Variants in BFAR observed in about 807,000 individuals in gnomAD.
The protein encoded by BFAR is RING finger protein 47.
BFAR carries 52 observed loss-of-function variants against 54.4 expected under a neutral mutation model. That is an observed-to-expected ratio of 0.96 (90% CI 0.77 to 1.21). BFAR has a LOEUF of 1.21. Ranked by LOEUF, BFAR falls within the 50% of genes most tolerant of loss-of-function variation. The pLI is 0.00. For missense variants in BFAR, 571 were observed against 534.0 expected (o/e 1.07, Z -0.68); for synonymous variants, 215 against 204.3 (o/e 1.05, Z -0.45).
Position 14,648,443 on chromosome 16 carries a change from C to A in BFAR, c.319C>A (p.Gln107Lys). The A allele has an allele frequency of 6.2e-7, 1 of 1,613,770 alleles. No homozygotes were observed. Among genetic ancestry groups the A allele is most frequent in the Non-Finnish European group, 8.5e-7 (1 of 1,179,736 alleles). ...DAIRLRFEDI[Q>K]QNNDIVQSLA... ...CATTAGACTGAGATTTGAAGACATT[C>A]AGCAGAATAATGACATAGTCCAAAG... The change falls in exon 3 of 8, where the codon CAG becomes AAG. Residue 107 changes from glutamine (Q) to lysine (K), a missense_variant. Gln to Lys is a moderately conservative substitution (Grantham distance 53). Transcript: ENST00000261658.
chr16:14,651,431 C>T (rs1488393858), intron 4 of BFAR, among the ~76,000 whole-genome samples: 1 of 152,212 alleles, frequency 6.6e-6, no homozygotes, highest in African/African-American at 2.4e-5. Flanking sequence ...AGGAACCTCA[C>T]ATGCTCAGCT....
In BFAR at chr16:14,665,050, T is replaced by A. The variant is rs751685470; in HGVS notation, c.1139T>A (p.Ile380Asn). 1 of 1,613,714 alleles carries A rather than the reference T, an allele frequency of 6.2e-7. No individual in the cohort carries two copies. Among genetic ancestry groups the A allele is most frequent in the Non-Finnish European group, 8.5e-7 (1 of 1,179,608 alleles). Residue 380 changes from isoleucine (I) to asparagine (N), a missense_variant, in exon 7 of 8, where the codon ATC becomes AAC. Transcript: ENST00000261658. ...CTGGAATTATTCTCCTTTTGGAGAA[T>A]CTGGTCGAGAAGTGAACTGAAGTAA... is the stretch of plus-strand genomic sequence containing the variant. The part of the protein sequence containing the change: ...SVLELFSFWR[I>N]WSRSELKTVP...
chr16:14,649,760 T>A, intron 3 of BFAR, 44 bp from the exon 4 acceptor site: 1 of 1,512,064 alleles, frequency 6.6e-7, no homozygotes, highest in Non-Finnish European at 9.0e-7. Context: ...GAAACTGGCA[T>A]CTCTGCCTCT....
intron 7 of BFAR, among the ~76,000 whole-genome samples, chr16:14,666,437 G>A (rs190481876): frequency 1.5e-4 from 23 of 152,234 alleles, no homozygotes; most frequent in East Asian, 1.2e-3. Context: ...CAGGCGTGGC[G>A]GTGGGTGCCT....
At chr16:14,654,569 G>T (rs1265292175) in intron 4 of BFAR, among the ~76,000 whole-genome samples, 4 of 143,950 alleles carry the variant, frequency 2.8e-5, no homozygotes, top group African/African-American at 1.0e-4. Context: ...GGGCAGTGAC[G>T]AGATCTTAGC....
chr16:14,661,425 G>T (rs1960284814), intron 5 of BFAR, among the ~76,000 whole-genome samples: 2 of 82,152 alleles, frequency 2.4e-5, no homozygotes. Context: ...TTTTTGAGCT[G>T]GAATCTCACT....
rs1959931513 is a variant in BFAR at position 14,650,258 on chromosome 16, A to AG, written c.638+287dup. On this transcript the variant is annotated intron_variant, in intron 4 of 7. Coordinates refer to ENST00000261658, the MANE Select transcript of BFAR (RefSeq NM_016561.3). Reference sequence around the variant, plus strand: ...GACAGGAGAATCACTTGAACCCAAGAGGTGGAGGTTACAATGAGCCAAGAT... The same window carrying AG: ...GACAGGAGAATCACTTGAACCCAAGAGGGTGGAGGTTACAATGAGCCAAGAT... 1.2e-5 allele frequency: 3 copies of AG among 258,696 alleles called. No individual in the cohort carries two copies. In the East Asian group the frequency reaches 2.1e-4, roughly 18 times the overall value. The allele number at this position is 258,696 out of a possible 1,614,324, so 16.0% of individuals were successfully genotyped here. A position where few individuals can be genotyped will look rare whatever the true frequency, so the allele number is the denominator to read the frequency against.
chr16:14,660,035 C>T (rs756570888), intron 5 of BFAR, among the ~76,000 whole-genome samples: 3 of 152,106 alleles, frequency 2.0e-5, no homozygotes, highest in African/African-American at 2.4e-5. Context: ...TTCACATATG[C>T]ACACCCATGA....
At chr16:14,660,777 T>C (rs983329293) in intron 5 of BFAR, among the ~76,000 whole-genome samples, 1 of 151,782 alleles carries the variant, frequency 6.6e-6, no homozygotes, top group African/African-American at 2.4e-5. Context: ...ATTACTCACT[T>C]GTAATCCCAG....
At chr16:14,659,904 TCA>T (rs1316433393) in intron 5 of BFAR, among the ~76,000 whole-genome samples, 1 of 152,226 alleles carries the variant, frequency 6.6e-6, no homozygotes, top group African/African-American at 2.4e-5. Flanking sequence ...GCAATCATCA[TCA>T]CACTTTTTAA....
intron 2 of BFAR, among the ~76,000 whole-genome samples, chr16:14,646,376 C>T (rs933426720): frequency 2.0e-5 from 3 of 151,038 alleles, no homozygotes; most frequent in South Asian, 2.1e-4. Context: ...TCAGTAGAGA[C>T]GGGGTTTCAC....
chr16:14,659,660 C>G (rs1423404797), intron 5 of BFAR, among the ~76,000 whole-genome samples: 1 of 152,080 alleles, frequency 6.6e-6, no homozygotes, highest in Non-Finnish European at 1.5e-5. Context: ...ACACCATTCT[C>G]CTGCCTCAGC....
chr16:14,642,819 C>T (rs1188901613), intron 1 of BFAR, among the ~76,000 whole-genome samples: 2 of 152,178 alleles, frequency 1.3e-5, no homozygotes, highest in African/African-American at 4.8e-5. Context: ...TTACCAACCC[C>T]AGACATTTTA....
At position 14,655,045 on chromosome 16, in the gene BFAR, TCTC is replaced by T. The variant is rs758272608; in HGVS notation, c.639-15_639-13del. The T allele has an allele frequency of 2.8e-4, 449 of 1,580,866 alleles. 1 individual carries two copies. Among genetic ancestry groups the T allele is most frequent in the Non-Finnish European group, 3.3e-4 (390 of 1,167,830 alleles). On this transcript the variant is annotated intron_variant, in intron 4 of 7. Transcript: ENST00000261658. Reference sequence around the variant, plus strand: ...TTCCAGTATATAATCGCAAAATAAATCTCCTCCTGCCCCTCTACAGGTTGCTTT... The same window carrying T: ...TTCCAGTATATAATCGCAAAATAAATCTCCTGCCCCTCTACAGGTTGCTTT...
chr16:14,635,829 A>G (rs1959416343), intron 1 of BFAR, among the ~76,000 whole-genome samples: 1 of 151,198 alleles, frequency 6.6e-6, no homozygotes, highest in Non-Finnish European at 1.5e-5. Context: ...ACGGGGTTTC[A>G]CCATATTGGC....
chr16:14,656,482 C>A (rs1345970842), intron 5 of BFAR, among the ~76,000 whole-genome samples: 2 of 150,220 alleles, frequency 1.3e-5, no homozygotes, highest in Non-Finnish European at 3.0e-5. Flanking sequence ...AGAGTTGAGA[C>A]CCTGTTTCAG....
intron 1 of BFAR, among the ~76,000 whole-genome samples, chr16:14,640,698 T>C (rs1010008247): frequency 1.3e-5 from 2 of 152,208 alleles, no homozygotes; most frequent in African/African-American, 4.8e-5. Flanking sequence ...GTGGTGAGGC[T>C]CACCTGCTTC....
intron 2 of BFAR, among the ~76,000 whole-genome samples, chr16:14,646,621 C>A (rs1457936626): frequency 6.6e-6 from 1 of 152,052 alleles, no homozygotes; most frequent in Non-Finnish European, 1.5e-5. Context: ...GCCTCAGCCT[C>A]CCAAGTAGCT....
chr16:14,654,332 A>G (rs1294830052), intron 4 of BFAR, among the ~76,000 whole-genome samples: 1 of 151,922 alleles, frequency 6.6e-6, no homozygotes. Context: ...TTTTTCCTAT[A>G]CATACACACA....
Sources: allele counts gnomAD v4.1 joint callset (sites outside exome capture counted in the v4.1 genomes callset), GRCh38; gene constraint gnomAD v4.1.1; transcripts MANE v1.5; gene names NCBI Gene and HGNC (gene_info 2026-07-23, HGNC 2026-07-21).